Variants in ANKRD12 observed in about 807,000 individuals in gnomAD.
ANKRD12 encodes ankyrin repeat domain-containing protein 12.
A neutral mutation model predicts 183.4 loss-of-function variants in ANKRD12; 85 were observed. The observed-to-expected ratio is 0.46, with a 90% CI of 0.39 to 0.56. The LOEUF (loss-of-function observed/expected upper bound fraction) is 0.56, where lower values mean the gene tolerates loss of function less well. ANKRD12 is among the 20% of genes least tolerant of loss of function. ANKRD12 has a pLI of 0.00. For synonymous variants in ANKRD12, 914 were observed against 800.2 expected, an observed-to-expected ratio of 1.14 and a Z score of -2.40; for missense variants, 2,405 against 2,357.1, an observed-to-expected ratio of 1.02 and a Z score of -0.42.
In ANKRD12 at chr18:9,198,678, T is replaced by G. The variant is rs574839898; in HGVS notation, c.235+2980T>G. The stretch of plus-strand genomic sequence containing the variant: ...GATTCTCCCGCCTCAGCCTTCCGAG[T>G]AGCTGGGATTACAGGCGCCTGCCAC... On this transcript the variant is annotated intron_variant, in intron 3 of 12. Transcript: ENST00000262126. Among the ~76,000 whole-genome samples, 21 of 151,972 alleles carry G rather than the reference T, an allele frequency of 1.4e-4. 1 individual carries two copies. In the South Asian group the frequency reaches 2.7e-3, roughly 20 times the overall value.
chr18:9,244,212 A>ATCATCATTTT (rs2037822844), intron 8 of ANKRD12, among the ~76,000 whole-genome samples: 6 of 152,260 alleles, frequency 3.9e-5, no homozygotes, highest in African/African-American at 1.4e-4. Context: ...TTTTAAACCT[A>ATCATCATTTT]GAATGCTATC....
chr18:9,163,820 C>T (rs559113456), intron 1 of ANKRD12, among the ~76,000 whole-genome samples: 7 of 152,034 alleles, frequency 4.6e-5, no homozygotes, highest in East Asian at 1.9e-4. Flanking sequence ...TCATGATTTG[C>T]GCTCTGCTTG....
At chr18:9,227,572 G>A (rs554985816) in intron 8 of ANKRD12, among the ~76,000 whole-genome samples, 12 of 152,196 alleles carry the variant, frequency 7.9e-5, no homozygotes, top group Non-Finnish European at 1.6e-4. Context: ...GTTTTGTATT[G>A]ACCAAAGATG....
At chr18:9,259,453 T>C (rs1462649027) in intron 9 of ANKRD12, 1 of 152,402 alleles carries the variant, frequency 6.6e-6, no homozygotes, top group Non-Finnish European at 1.5e-5. Context: ...GTGTTTACAA[T>C]ACATATGCAG....
intron 1 of ANKRD12, among the ~76,000 whole-genome samples, chr18:9,157,585 G>GTGTGTGTGTATATATATATATATATATA (rs1472659778): frequency 2.2e-5 from 2 of 92,680 alleles, no homozygotes; most frequent in Admixed American, 1.3e-4. Context: ...GTGTGTGTGT[G>GTGTGTGTGTATATATATATATATATATA]TATATATATA....
chr18:9,240,299 T>C (rs939880681), intron 8 of ANKRD12, among the ~76,000 whole-genome samples: 2 of 152,210 alleles, frequency 1.3e-5, no homozygotes, highest in Non-Finnish European at 2.9e-5. Context: ...AATTCTTTAG[T>C]CTTTTTTCCC....
intron 1 of ANKRD12, among the ~76,000 whole-genome samples, chr18:9,154,098 G>A (rs1370162711): frequency 9.2e-5 from 14 of 152,100 alleles, no homozygotes; most frequent in Admixed American, 9.2e-4. Context: ...AAGCAGGGCG[G>A]TGATATAATT....
Position 9,255,363 on chromosome 18 carries a change from AT to A in ANKRD12, c.2103del (p.Phe701LeufsTer11). 3 of 1,608,346 alleles carry A rather than the reference AT, an allele frequency of 1.9e-6. No homozygotes were observed. Among genetic ancestry groups the A allele is most frequent in the South Asian group, 1.1e-5 (1 of 89,358 alleles). ...VEFDREFWKE[N>X]FFKSDETEDL... ...TTTGATAGAGAATTTTGGAAAGAGA[AT>A]TTTTTTAAAAGTGATGAAACTGAAG... On this transcript the variant is annotated frameshift_variant, in exon 9 of 13. Transcript: ENST00000262126. LOFTEE classifies it high-confidence loss of function.
chr18:9,242,118 C>G (rs2037698622), intron 8 of ANKRD12, among the ~76,000 whole-genome samples: 1 of 151,966 alleles, frequency 6.6e-6, no homozygotes, highest in Admixed American at 6.6e-5. Flanking sequence ...TTCTGGATGG[C>G]TGCAAATTAA....
intron 7 of ANKRD12, among the ~76,000 whole-genome samples, chr18:9,219,997 G>A (rs912253564): frequency 2.0e-5 from 3 of 152,096 alleles, no homozygotes; most frequent in East Asian, 3.9e-4. Context: ...TTTTAAAATC[G>A]TAAGCATGTG....
In ANKRD12 at chr18:9,255,163, A is replaced by G. The variant is rs888667685; in HGVS notation, c.1896A>G (p.Thr632=). 4.4e-6 allele frequency: 7 copies of G among 1,586,860 alleles called. No individual in the cohort carries two copies. The highest frequency in any genetic ancestry group is 6.0e-6 in the Non-Finnish European group (7 of 1,172,256). The stretch of plus-strand genomic sequence containing the variant: ...TAAAGGATGAAGATCATAGTCCAAC[A>G]TTTGAAAATTCAGATTGCACACTGA... ...AKIKDEDHSP[T]FENSDCTLKK... Residue 632 remains threonine (T), a synonymous_variant, in exon 9 of 13, where the codon ACA becomes ACG. Coordinates refer to ENST00000262126, the MANE Select transcript of ANKRD12 (RefSeq NM_015208.5).
chr18:9,192,813 C>CTG (rs1039068307), intron 2 of ANKRD12, among the ~76,000 whole-genome samples: 1 of 151,850 alleles, frequency 6.6e-6, no homozygotes, highest in Admixed American at 6.6e-5. Context: ...TCCCGAGTAG[C>CTG]TGGGACTACA....
intron 1 of ANKRD12, among the ~76,000 whole-genome samples, chr18:9,137,259 C>A (rs2078137988): frequency 6.8e-6 from 1 of 147,412 alleles, no homozygotes; most frequent in Admixed American, 6.7e-5. Flanking sequence ...CGAGGAGCCG[C>A]GGCGCAGGTG....
intron 1 of ANKRD12, among the ~76,000 whole-genome samples, chr18:9,165,575 A>G (rs1433599378): frequency 1.3e-5 from 2 of 152,060 alleles, no homozygotes; most frequent in Non-Finnish European, 2.9e-5. Flanking sequence ...TGGCTATTCT[A>G]AGTACTTCAC....
chr18:9,137,565 GC>G (rs1568205112), intron 1 of ANKRD12: 1 of 150,278 alleles, frequency 6.7e-6, no homozygotes, highest in Non-Finnish European at 1.5e-5. Flanking sequence ...GTCTGCCGCG[GC>G]CGCTCGGGCC....
chr18:9,209,959 T>A (rs908519691), intron 5 of ANKRD12, among the ~76,000 whole-genome samples: 4 of 152,138 alleles, frequency 2.6e-5, no homozygotes, highest in Non-Finnish European at 4.4e-5. Flanking sequence ...TTTATGTAGC[T>A]TTTCTAGGCA....
chr18:9,157,081 C>G (rs1047887323), intron 1 of ANKRD12, among the ~76,000 whole-genome samples: 1 of 152,196 alleles, frequency 6.6e-6, no homozygotes, highest in Non-Finnish European at 1.5e-5. Context: ...GGATGTTACT[C>G]AGTGCCACAG....
At chr18:9,137,926 T>A (rs2078177010) in intron 1 of ANKRD12, 5 of 152,226 alleles carry the variant, frequency 3.3e-5, no homozygotes, top group Admixed American at 2.0e-4. Flanking sequence ...AGACGCTGTC[T>A]GGGATAGGAA....
intron 1 of ANKRD12, among the ~76,000 whole-genome samples, chr18:9,161,357 T>C (rs963471132): frequency 1.3e-5 from 2 of 150,036 alleles, no homozygotes; most frequent in Non-Finnish European, 2.9e-5. Context: ...ATTTCTGTTT[T>C]TATTTTATTT....
Sources: gnomAD v4.1 joint callset for allele counts (sites outside exome capture counted in the v4.1 genomes callset) on GRCh38, gnomAD v4.1.1 for gene constraint, MANE v1.5 for transcripts, NCBI Gene and HGNC (gene_info 2026-07-23, HGNC 2026-07-21) for gene names.